COL28A1: variants seen among roughly 807,000 people sequenced by gnomAD.
COL28A1 encodes collagen alpha-1(XXVIII) chain.
Under a neutral mutation model 150.2 loss-of-function variants are expected in COL28A1, and 161 were observed. The observed-to-expected ratio is 1.07, with a 90% CI of 0.94 to 1.22. COL28A1 has a LOEUF of 1.22. Ranked by LOEUF, COL28A1 falls within the 50% of genes most tolerant of loss-of-function variation. COL28A1 has a pLI of 0.00. For synonymous variants in COL28A1, 552 were observed against 469.7 expected, an observed-to-expected ratio of 1.18 and a Z score of -2.26; for missense variants, 1,617 against 1,388.3, an observed-to-expected ratio of 1.16 and a Z score of -2.62.
intron 20 of COL28A1, among the ~76,000 whole-genome samples, chr7:7,441,103 A>G (rs895423973): frequency 6.6e-5 from 10 of 152,192 alleles, no homozygotes; most frequent in Admixed American, 6.5e-5. Context: ...TAAGTTTTGT[A>G]TCTTTCTTTT....
At chr7:7,343,602 G>A in the COL28A1 span, among the ~76,000 whole-genome samples, 2 of 152,094 alleles carry the variant, frequency 1.3e-5, no homozygotes, top group African/African-American at 2.4e-5. Flanking sequence ...TAAAGATGCA[G>A]AATATTATAA....
chr7:7,455,082 C>T (rs1417082753), intron 16 of COL28A1, among the ~76,000 whole-genome samples: 1 of 152,042 alleles, frequency 6.6e-6, no homozygotes, highest in Admixed American at 6.6e-5. Flanking sequence ...AACAATGACA[C>T]CGGAATTATC....
intron 25 of COL28A1, among the ~76,000 whole-genome samples, chr7:7,429,250 A>G (rs141889237): frequency 1.3e-3 from 204 of 152,278 alleles, no homozygotes; most frequent in African/African-American, 4.4e-3. Flanking sequence ...ATTTTAACTC[A>G]AAAGGGGAGA....
intron 25 of COL28A1, among the ~76,000 whole-genome samples, chr7:7,420,685 A>G (rs1468402265): frequency 6.6e-6 from 1 of 152,264 alleles, no homozygotes; most frequent in Non-Finnish European, 1.5e-5. Context: ...AATTCATCAC[A>G]TATGTAGAAA....
At chr7:7,515,744 C>G (rs1372934289) in intron 8 of COL28A1, 70 bp downstream of exon 8, 1 of 799,550 alleles carries the variant, frequency 1.3e-6, no homozygotes, top group Admixed American at 2.0e-5. Context: ...TTATTAAGTT[C>G]CTAAGTACAC....
chr7:7,461,951 C>G (rs1787667406), intron 15 of COL28A1, among the ~76,000 whole-genome samples: 1 of 152,178 alleles, frequency 6.6e-6, no homozygotes, highest in South Asian at 2.1e-4. Context: ...AAATACTGTA[C>G]TAACCAACCA....
At chr7:7,404,233 AG>A (rs1197595436) in intron 27 of COL28A1, among the ~76,000 whole-genome samples, 1 of 152,104 alleles carries the variant, frequency 6.6e-6, no homozygotes, top group African/African-American at 2.4e-5. Flanking sequence ...AACACACAGC[AG>A]GAGACACTCC....
chr7:7,514,668 T>C (rs942457126), intron 8 of COL28A1, among the ~76,000 whole-genome samples: 4 of 152,166 alleles, frequency 2.6e-5, no homozygotes, highest in African/African-American at 7.2e-5. Context: ...AACAAATATG[T>C]CTTCAAAAGG....
chr7:7,430,395 G>A (rs1421730447), intron 25 of COL28A1, among the ~76,000 whole-genome samples: 2 of 152,156 alleles, frequency 1.3e-5, no homozygotes, highest in African/African-American at 4.8e-5. Context: ...CCAAAGTGCT[G>A]GAATTACAGG....
intron 33 of COL28A1, among the ~76,000 whole-genome samples, chr7:7,367,410 T>C (rs367751882): frequency 6.6e-6 from 1 of 152,182 alleles, no homozygotes; most frequent in East Asian, 1.9e-4. Context: ...TGTTTAAAAA[T>C]TCAGTTTTGC....
chr7:7,485,177 G>GAAACAAAATATGT (rs1779556742), intron 13 of COL28A1, among the ~76,000 whole-genome samples: 1 of 151,724 alleles, frequency 6.6e-6, no homozygotes, highest in African/African-American at 2.4e-5. Context: ...CACAAAAAAA[G>GAAACAAAATATGT]AAACAAAATA....
chr7:7,531,892 A>C lies in COL28A1; in HGVS notation c.137T>G (p.Phe46Cys). The change falls in exon 3 of 35, where the codon TTC becomes TGC. Residue 46 changes from phenylalanine (F) to cysteine (C), a missense_variant. Physicochemically the swap from Phe to Cys is radical, Grantham distance 205. Transcript: ENST00000399429. ...GTCCACGATGAAGACAATATCTATG[A>C]AACAAATGGAGCCTGAAACAGAATA... ...RKSDVQGSIC[F>C]IDIVFIVDSS... is the part of the protein sequence containing the mutation. 6.3e-7 allele frequency: 1 copy of C among 1,599,354 alleles called. No individual in the cohort carries two copies. Among genetic ancestry groups the C allele is most frequent in the South Asian group, 1.1e-5 (1 of 90,272 alleles).
At chr7:7,397,912 T>G (rs1401819268) in intron 27 of COL28A1, among the ~76,000 whole-genome samples, 1 of 152,228 alleles carries the variant, frequency 6.6e-6, no homozygotes, top group African/African-American at 2.4e-5. Context: ...TCACCTGACG[T>G]AACTAAAAGG....
At chr7:7,493,131 T>A (rs1237059688) in intron 11 of COL28A1, among the ~76,000 whole-genome samples, 2 of 150,594 alleles carry the variant, frequency 1.3e-5, no homozygotes, top group South Asian at 2.1e-4. Context: ...CTAAAAAAAA[T>A]ACAATAATAA....
At chr7:7,339,048 G>A in the COL28A1 span, among the ~76,000 whole-genome samples, 1 of 151,994 alleles carries the variant, frequency 6.6e-6, no homozygotes, top group African/African-American at 2.4e-5. Context: ...GTTCTAAGCC[G>A]ACTCCAAATG....
intron 15 of COL28A1, among the ~76,000 whole-genome samples, chr7:7,463,640 C>G (rs1787819427): frequency 6.6e-6 from 1 of 152,170 alleles, no homozygotes; most frequent in Non-Finnish European, 1.5e-5. Flanking sequence ...TTGCCACTAC[C>G]AACCCAGCAC....
chr7:7,404,758 T>C (rs1221378334), intron 27 of COL28A1, among the ~76,000 whole-genome samples: 1 of 152,206 alleles, frequency 6.6e-6, no homozygotes, highest in Non-Finnish European at 1.5e-5. Context: ...GTATTTATTA[T>C]ATTTATTGCT....
the COL28A1 span, among the ~76,000 whole-genome samples, chr7:7,338,811 G>A: frequency 6.6e-6 from 1 of 152,112 alleles, no homozygotes; most frequent in African/African-American, 2.4e-5. Context: ...AATTTTGGCT[G>A]ACTTTGTGAC....
At chr7:7,522,190 C>T (rs1032688027) in intron 4 of COL28A1, 4 of 544,154 alleles carry the variant, frequency 7.4e-6, no homozygotes, top group Admixed American at 2.9e-5. Flanking sequence ...AAATTTATAC[C>T]TACCAAGAGC....
Sources: allele counts gnomAD v4.1 joint callset (sites outside exome capture counted in the v4.1 genomes callset), GRCh38; gene constraint gnomAD v4.1.1; transcripts MANE v1.5; gene names NCBI Gene and HGNC (gene_info 2026-07-23, HGNC 2026-07-21).